Variants in ACAP2 observed in about 807,000 individuals in gnomAD.
The protein encoded by ACAP2 is ArfGAP with coiled-coil, ankyrin repeat and PH domains 2.
In ACAP2, 39 loss-of-function variants were observed where a neutral mutation model predicts 115.8. That is an observed-to-expected ratio of 0.34 (90% CI 0.26 to 0.44). The LOEUF (loss-of-function observed/expected upper bound fraction) is 0.44. Ranked by LOEUF, ACAP2 falls within the 20% of genes least tolerant of loss-of-function variation. The pLI is 1.00. For synonymous variants in ACAP2, 289 were observed against 315.8 expected (o/e 0.92, Z 0.90); for missense variants, 662 against 927.6 (o/e 0.71, Z 3.72).
intron 18 of ACAP2, among the ~76,000 whole-genome samples, chr3:195,293,769 T>C (rs1727423049): frequency 6.6e-6 from 1 of 151,434 alleles, no homozygotes; most frequent in African/African-American, 2.4e-5. Flanking sequence ...GAACAGAAGG[T>C]AGAGGCTGCA....
At chr3:195,362,336 A>AG (rs1422003710) in intron 4 of ACAP2, among the ~76,000 whole-genome samples, 2 of 151,668 alleles carry the variant, frequency 1.3e-5, no homozygotes, top group Non-Finnish European at 2.9e-5. Context: ...AAAAAAAAAA[A>AG]TCTTCCAGCA....
chr3:195,351,128 T>TTTTTTTTGG, intron 4 of ACAP2, among the ~76,000 whole-genome samples: 1 of 143,194 alleles, frequency 7.0e-6, no homozygotes, highest in East Asian at 2.7e-4. Context: ...TTTTTTTTTT[T>TTTTTTTTGG]TGGGCGGGGG....
chr3:195,294,915 T>C, intron 17 of ACAP2, 104 bp from the exon 18 acceptor site: 2 of 646,892 alleles, frequency 3.1e-6, no homozygotes, highest in Non-Finnish European at 5.4e-6. Context: ...CAACATGAAC[T>C]CAGGCACCAC....
intron 4 of ACAP2, among the ~76,000 whole-genome samples, chr3:195,371,576 G>C (rs1284541026): frequency 6.6e-6 from 1 of 152,096 alleles, no homozygotes; most frequent in East Asian, 1.9e-4. Flanking sequence ...CTCTGGCCAG[G>C]ACTTCCAATA....
rs770046780 is a variant in ACAP2, at chr3:195,406,662, T to C, written c.54-14515A>G. 8.5e-4 allele frequency among the ~76,000 whole-genome samples: 129 copies of C among 152,330 alleles called. 1 individual carries two copies. Among genetic ancestry groups the C allele is most frequent in the Non-Finnish European group, 1.4e-3 (93 of 68,030 alleles). ...GCTACAGGTTTGATCAAACACTCAG[T>C]TCCCCTTTTGTTCCAGATAGTTTGT... On this transcript the variant is annotated intron_variant, in intron 1 of 22. Coordinates refer to ENST00000326793, the MANE Select transcript of ACAP2 (RefSeq NM_012287.6).
At chr3:195,406,366 T>C (rs1241630205) in intron 1 of ACAP2, among the ~76,000 whole-genome samples, 4 of 152,222 alleles carry the variant, frequency 2.6e-5, no homozygotes, top group African/African-American at 9.6e-5. Flanking sequence ...TTATATTCTA[T>C]AGTTTATCAC....
intron 15 of ACAP2, among the ~76,000 whole-genome samples, chr3:195,297,974 C>T (rs534951355): frequency 6.6e-6 from 1 of 152,186 alleles, no homozygotes; most frequent in Non-Finnish European, 1.5e-5. Context: ...CAATTCCAGG[C>T]TTGACCACAA....
intron 1 of ACAP2, among the ~76,000 whole-genome samples, chr3:195,408,239 T>A (rs1015880387): frequency 2.6e-5 from 4 of 152,044 alleles, no homozygotes; most frequent in African/African-American, 9.7e-5. Context: ...AGGCAGGCGG[T>A]CTGCTTTCAG....
intron 1 of ACAP2, among the ~76,000 whole-genome samples, chr3:195,431,219 A>G (rs781333016): frequency 1.3e-5 from 2 of 152,204 alleles, no homozygotes; most frequent in Non-Finnish European, 2.9e-5. Flanking sequence ...ACAGTATTTC[A>G]TTCCATTTGA....
chr3:195,390,330 A>G (rs1734582736), intron 2 of ACAP2, among the ~76,000 whole-genome samples: 1 of 152,096 alleles, frequency 6.6e-6, no homozygotes, highest in Non-Finnish European at 1.5e-5. Flanking sequence ...GTCCTATCTA[A>G]CCCTACAGGA....
chr3:195,361,826 A>G (rs1157056594), intron 4 of ACAP2, among the ~76,000 whole-genome samples: 1 of 152,184 alleles, frequency 6.6e-6, no homozygotes, highest in Non-Finnish European at 1.5e-5. Flanking sequence ...ATCAGAGATG[A>G]AAAAGGAGAC....
At chr3:195,363,843 G>C (rs1301634239) in intron 4 of ACAP2, among the ~76,000 whole-genome samples, 1 of 152,088 alleles carries the variant, frequency 6.6e-6, no homozygotes, top group Non-Finnish European at 1.5e-5. Context: ...TTTCGACAAA[G>C]GTGCCAAGAA....
intron 5 of ACAP2, among the ~76,000 whole-genome samples, chr3:195,343,346 C>T (rs571676701): frequency 5.3e-5 from 8 of 152,246 alleles, no homozygotes; most frequent in Middle Eastern, 3.4e-3. Context: ...GAGCCCTTTC[C>T]GAGAGATTAT....
At chr3:195,375,171 G>C (rs1361577235) in intron 4 of ACAP2, among the ~76,000 whole-genome samples, 3 of 151,850 alleles carry the variant, frequency 2.0e-5, no homozygotes, top group African/African-American at 7.3e-5. Flanking sequence ...CAGCCTGGGT[G>C]ACAGAGTAAG....
At chr3:195,319,139 T>C (rs1356683062) in intron 10 of ACAP2, among the ~76,000 whole-genome samples, 2 of 152,200 alleles carry the variant, frequency 1.3e-5, no homozygotes, top group Non-Finnish European at 2.9e-5. Context: ...GTATTAGGCC[T>C]ATAGATGCAT....
At chr3:195,307,435 T>A (rs2108986214) in intron 11 of ACAP2, 112 bp from the exon 12 acceptor site, 1 of 660,682 alleles carries the variant, frequency 1.5e-6, no homozygotes, top group Non-Finnish European at 2.5e-6. Context: ...TCAAGATTTA[T>A]ATTTTATTTT....
chr3:195,402,187 A>T (rs888137497), intron 1 of ACAP2, among the ~76,000 whole-genome samples: 1 of 152,198 alleles, frequency 6.6e-6, no homozygotes, highest in African/African-American at 2.4e-5. Context: ...GCTAGTTACC[A>T]GGTAAACATT....
intron 10 of ACAP2, among the ~76,000 whole-genome samples, chr3:195,318,158 A>G (rs1729215636): frequency 6.6e-6 from 1 of 152,160 alleles, no homozygotes; most frequent in Admixed American, 6.5e-5. Flanking sequence ...AAGTTTCCTG[A>G]GGCTTCCCCA....
intron 1 of ACAP2, among the ~76,000 whole-genome samples, chr3:195,414,827 A>T (rs1713581988): frequency 6.6e-6 from 1 of 152,246 alleles, no homozygotes; most frequent in African/African-American, 2.4e-5. Context: ...TGTGCTCCCA[A>T]GCATTTCAGA....
Sources: gnomAD v4.1 joint callset for allele counts (sites outside exome capture counted in the v4.1 genomes callset) on GRCh38, gnomAD v4.1.1 for gene constraint, MANE v1.5 for transcripts, NCBI Gene and HGNC (gene_info 2026-07-23, HGNC 2026-07-21) for gene names.